PEX5L: variants seen among roughly 807,000 people sequenced by gnomAD.
PEX5L encodes peroxisomal biogenesis factor 5 like, also known as PEX5-related protein.
PEX5L carries 30 observed loss-of-function variants against 84.0 expected under a neutral mutation model. The observed-to-expected ratio is 0.36, with a 90% CI of 0.27 to 0.48. The LOEUF is 0.48. PEX5L is among the 20% of genes least tolerant of loss of function. PEX5L has a pLI of 0.99. For missense variants in PEX5L, 533 were observed against 754.6 expected, an observed-to-expected ratio of 0.71 and a Z score of 3.44; for synonymous variants, 270 against 283.1, an observed-to-expected ratio of 0.95 and a Z score of 0.46.
chr3:179,864,371 T>C (rs898560264), intron 7 of PEX5L, among the ~76,000 whole-genome samples: 1 of 152,108 alleles, frequency 6.6e-6, no homozygotes, highest in African/African-American at 2.4e-5. Context: ...AAAGAAAAAC[T>C]CATTTATGAC....
At chr3:179,859,185 T>G in intron 7 of PEX5L, 28 bp from the exon 8 acceptor site, 1 of 1,477,260 alleles carries the variant, frequency 6.8e-7, no homozygotes, top group Non-Finnish European at 9.5e-7. Flanking sequence ...CATAGTGTTA[T>G]AATATTAGAA....
In PEX5L at chr3:179,807,759, A is replaced by T; in HGVS notation, c.1591T>A (p.Tyr531Asn). ...GGCTGAATCTCCAGTGCTCGCGTATAGGCCTCCACGGCTTCCTCGCTGCGG... is the reference window on the plus strand; with the variant it reads ...GGCTGAATCTCCAGTGCTCGCGTATTGGCCTCCACGGCTTCCTCGCTGCGG... ...GDRSEEAVEAYTRALEIQPGF... is the reference protein window; with the variant it reads ...GDRSEEAVEANTRALEIQPGF... The change falls in exon 14 of 15, where the codon TAT (tyrosine) becomes AAT (asparagine). Residue 531 changes from tyrosine (Y) to asparagine (N), a missense_variant. Physicochemically the swap from Tyr to Asn is moderately radical, Grantham distance 143. This residue lies in a region of PEX5L where 105 missense variants were observed against 204.6 expected (regional missense o/e 0.51). Coordinates refer to ENST00000467460, the MANE Select transcript of PEX5L (RefSeq NM_016559.3). 6.2e-7 allele frequency: 1 copy of T among 1,614,144 alleles called. No individual in the cohort carries two copies. The highest frequency in any genetic ancestry group is 8.5e-7 in the Non-Finnish European group (1 of 1,180,012).
chr3:179,859,135 C>T lies in PEX5L; in HGVS notation c.749G>A (p.Arg250His), dbSNP rs188814073. The T allele has an allele frequency of 3.6e-5, 58 of 1,613,760 alleles. No individual in the cohort carries two copies. Among genetic ancestry groups the T allele is most frequent in the Non-Finnish European group, 4.8e-5 (57 of 1,179,684 alleles). ...TCTAGAAAGTAATGCGCTTCCCCAG[C>T]GATGTTCTTTGGTCAGTCGAGCCTG... Reference protein sequence around the residue: ...PTQARLTKEHRWGSALLSRNH... With the variant: ...PTQARLTKEHHWGSALLSRNH... Residue 250 changes from arginine to histidine, a missense_variant, in exon 8 of 15, where the codon CGC (arginine) becomes CAC (histidine). By Grantham distance (29) the Arg-to-His change is conservative. Transcript: ENST00000467460.
chr3:180,011,835 A>G (rs1264283079), intron 1 of PEX5L, among the ~76,000 whole-genome samples: 1 of 152,166 alleles, frequency 6.6e-6, no homozygotes, highest in Non-Finnish European at 1.5e-5. Flanking sequence ...GCTATTTTTT[A>G]AACTCAAAAA....
At chr3:179,924,434 G>A (rs923937519) in intron 2 of PEX5L, among the ~76,000 whole-genome samples, 1 of 152,258 alleles carries the variant, frequency 6.6e-6, no homozygotes, top group Non-Finnish European at 1.5e-5. Flanking sequence ...ATGAATAAAC[G>A]AGAGAAAGCA....
intron 1 of PEX5L, among the ~76,000 whole-genome samples, chr3:180,029,597 G>A (rs984384143): frequency 2.6e-5 from 4 of 152,046 alleles, no homozygotes; most frequent in African/African-American, 9.7e-5. Flanking sequence ...CAGGGACTTC[G>A]TCTTGCCTCT....
Position 179,875,389 on chromosome 3 carries a change from T to C in PEX5L, c.594A>G (p.Ser198=), listed in dbSNP as rs138202727. The change falls in exon 6 of 15, where the codon TCA becomes TCG. Residue 198 remains serine, a synonymous_variant. Transcript: ENST00000467460. ...CTTTTGATCCAGTTCTAGATGAGGA[T>C]GATTTTCTCTCTGCCATTGGATGTC... ...TKGHPMAERK[S]SSSRTGSKEL... is the part of the protein sequence containing the mutation. The C allele has an allele frequency of 1.8e-4, 283 of 1,613,858 alleles. No homozygotes were observed. The African/African-American group carries it at 3.4e-3, about 19-fold the overall frequency.
chr3:179,911,880 C>T (rs551514277), intron 2 of PEX5L, among the ~76,000 whole-genome samples: 1 of 152,170 alleles, frequency 6.6e-6, no homozygotes, highest in African/African-American at 2.4e-5. Flanking sequence ...AGATGACTTT[C>T]AACTTTCAAA....
chr3:179,986,470 T>C (rs1180415400), intron 1 of PEX5L, among the ~76,000 whole-genome samples: 13 of 147,736 alleles, frequency 8.8e-5, no homozygotes, highest in Admixed American at 2.1e-4. Flanking sequence ...TGGCGCGATC[T>C]CGGCTCACCG....
At chr3:180,006,880 C>A (rs1218998110) in intron 1 of PEX5L, among the ~76,000 whole-genome samples, 2 of 152,156 alleles carry the variant, frequency 1.3e-5, no homozygotes, top group African/African-American at 4.8e-5. Flanking sequence ...CTGGGAGATA[C>A]AATTAAAGAT....
chr3:179,892,884 T>A (rs546111884), intron 3 of PEX5L, among the ~76,000 whole-genome samples: 1 of 152,274 alleles, frequency 6.6e-6, no homozygotes, highest in South Asian at 2.1e-4. Context: ...CTTGGACCAA[T>A]GTGAATGAGA....
chr3:180,014,372 T>G (rs958738139), intron 1 of PEX5L, among the ~76,000 whole-genome samples: 6 of 151,868 alleles, frequency 4.0e-5, no homozygotes, highest in Admixed American at 3.9e-4. Flanking sequence ...CTCCGGAGGC[T>G]GAGGCAGGAG....
intron 8 of PEX5L, among the ~76,000 whole-genome samples, chr3:179,855,848 T>C (rs1428638542): frequency 6.6e-6 from 1 of 152,188 alleles, no homozygotes; most frequent in Non-Finnish European, 1.5e-5. Flanking sequence ...TGTTGGCAAC[T>C]TGATCTTGAG....
chr3:179,897,962 G>T (rs1759916580), intron 3 of PEX5L, among the ~76,000 whole-genome samples, 180 bp downstream of exon 3: 2 of 151,874 alleles, frequency 1.3e-5, no homozygotes, highest in African/African-American at 4.8e-5. Context: ...TAACTAGATG[G>T]TGAATTTTTC....
chr3:179,978,842 T>G (rs1786049383), intron 1 of PEX5L, among the ~76,000 whole-genome samples: 1 of 152,140 alleles, frequency 6.6e-6, no homozygotes, highest in Non-Finnish European at 1.5e-5. Context: ...TTTTTATAGC[T>G]CTCAGTCAAA....
chr3:179,858,103 G>A (rs1239619460), intron 8 of PEX5L, among the ~76,000 whole-genome samples: 1 of 152,060 alleles, frequency 6.6e-6, no homozygotes, highest in Non-Finnish European at 1.5e-5. Context: ...AGGTATAGAG[G>A]TACTGAAAGA....
chr3:179,817,915 G>T (rs1159996604), intron 9 of PEX5L, among the ~76,000 whole-genome samples: 1 of 152,194 alleles, frequency 6.6e-6, no homozygotes, highest in Non-Finnish European at 1.5e-5. Flanking sequence ...AGAGTCTGAT[G>T]ATCTGAATCA....
At position 179,796,514 on chromosome 3, in the gene PEX5L, G is replaced by T. The variant is rs549754403; in HGVS notation, c.*5314C>A. ...TAAACCTCACAGTTTAATTTTCTGT[G>T]TTTTTTTTTTTCCTCTTAACTGTTT... On this transcript the variant is annotated 3_prime_UTR_variant, in exon 15 of 15. Transcript: ENST00000467460. 4 of 146,278 alleles carry T rather than the reference G, an allele frequency of 2.7e-5. No individual in the cohort carries two copies. Among genetic ancestry groups the T allele is most frequent in the Non-Finnish European group, 6.1e-5 (4 of 66,096 alleles). 9.1% of individuals were successfully genotyped at this position (146,278 alleles called of 1,614,324 possible). A position where few individuals can be genotyped will look rare whatever the true frequency, so the allele number is the denominator to read the frequency against.
chr3:179,956,848 T>A (rs976724497), intron 2 of PEX5L, among the ~76,000 whole-genome samples: 1 of 152,210 alleles, frequency 6.6e-6, no homozygotes, highest in East Asian at 1.9e-4. Flanking sequence ...ACAAACATCA[T>A]GCAGAATTCA....
Sources: gnomAD v4.1 joint callset for allele counts (sites outside exome capture counted in the v4.1 genomes callset) on GRCh38, gnomAD v4.1.1 for gene constraint, gnomAD v4.1.1 regional missense constraint, MANE v1.5 for transcripts, NCBI Gene and HGNC (gene_info 2026-07-23, HGNC 2026-07-21) for gene names.